Variants in SPRR4 observed in about 807,000 individuals in gnomAD.
SPRR4 encodes the protein small proline rich protein 4.
For missense variants in SPRR4, 106 were observed against 91.6 expected (o/e 1.16, Z -0.64); for synonymous variants, 30 against 34.3 (o/e 0.87, Z 0.44).
At position 152,972,515 on chromosome 1, in the gene SPRR4, G is replaced by C; in HGVS notation, c.*385G>C. ...TTTCTGCCTCATTCCTCTCCATGAT[G>C]CCCCCTGCTCTGGGCTTCTCTCCTG... On this transcript the variant is annotated 3_prime_UTR_variant, in exon 2 of 2. Transcript: ENST00000328051. 1 of 248,498 alleles carries C rather than the reference G, an allele frequency of 4.0e-6. No homozygotes were observed. Among genetic ancestry groups the C allele is most frequent in the Non-Finnish European group, 8.4e-6 (1 of 118,790 alleles). 15.4% of individuals were successfully genotyped at this position (248,498 alleles called of 1,614,324 possible). A position where few individuals can be genotyped will look rare whatever the true frequency, so the allele number is the denominator to read the frequency against.
upstream of SPRR4, among the ~76,000 whole-genome samples, chr1:152,968,842 A>G (rs1311307763): frequency 6.6e-6 from 1 of 152,234 alleles, no homozygotes; most frequent in African/African-American, 2.4e-5. Context: ...GGCAATACAC[A>G]CATACCAGTG....
At chr1:152,970,613 G>A (rs966212178), upstream of SPRR4, 1 of 152,258 alleles carries the variant, frequency 6.6e-6, no homozygotes, top group Non-Finnish European at 1.5e-5. Context: ...GCAGGTTGGG[G>A]GCCCTATAAA....
chr1:152,969,308 A>G (rs545644273), upstream of SPRR4, among the ~76,000 whole-genome samples: 2 of 152,342 alleles, frequency 1.3e-5, no homozygotes, highest in South Asian at 4.1e-4. Flanking sequence ...CACCCTGAGC[A>G]GCTGCATGTG....
chr1:152,971,441 T>C (rs1243087210), intron 1 of SPRR4, among the ~76,000 whole-genome samples: 1 of 152,136 alleles, frequency 6.6e-6, no homozygotes. Context: ...AGCTTCCCAG[T>C]TCTTTGTAGA....
Position 152,972,366 on chromosome 1 carries a change from T to A in SPRR4, c.*236T>A. 2 of 625,922 alleles carry A rather than the reference T, an allele frequency of 3.2e-6. No homozygotes were observed. 38.8% of individuals were successfully genotyped at this position (625,922 alleles called of 1,614,324 possible). On this transcript the variant is annotated 3_prime_UTR_variant, in exon 2 of 2. Transcript: ENST00000328051. Reference sequence around the variant, plus strand: ...CTCCCAGGTGGGTGTGAGAGAGACCTCATTCTCTGCAGGCTCCAGCGTGGC... The same window carrying A: ...CTCCCAGGTGGGTGTGAGAGAGACCACATTCTCTGCAGGCTCCAGCGTGGC...
chr1:152,971,933 C>T lies in SPRR4; in HGVS notation c.43C>T (p.Pro15Ser). The stretch of plus-strand genomic sequence containing the variant: ...GCAGCGGCAGCAGCAGCAGTGCCCA[C>T]CCCAGAGGGCCCAGCAGCAGCAAGT... ...QQQRQQQQCP[P>S]QRAQQQQVKQ... is the part of the protein sequence containing the mutation. Residue 15 changes from proline to serine, a missense_variant, in exon 2 of 2, where the codon CCC (proline) becomes TCC (serine). Coordinates refer to ENST00000328051, the MANE Select transcript of SPRR4 (RefSeq NM_173080.3). 1 of 1,614,096 alleles carries T rather than the reference C, an allele frequency of 6.2e-7. No homozygotes were observed. Among genetic ancestry groups the T allele is most frequent in the Non-Finnish European group, 8.5e-7 (1 of 1,180,002 alleles).
At chr1:152,969,888 A>G (rs779533777), upstream of SPRR4, among the ~76,000 whole-genome samples, 22 of 152,208 alleles carry the variant, frequency 1.4e-4, no homozygotes, top group Non-Finnish European at 3.2e-4. Flanking sequence ...AATACTCCTC[A>G]GCACCCCAAC....
Position 152,972,057 on chromosome 1 carries a change from C to T in SPRR4, c.167C>T (p.Pro56Leu), listed in dbSNP as rs201321708. 161 of 1,613,944 alleles carry T rather than the reference C, an allele frequency of 1.0e-4. No individual in the cohort carries two copies. Among genetic ancestry groups the T allele is most frequent in the Middle Eastern group, 3.3e-4 (2 of 6,084 alleles). Residue 56 changes from proline (P) to leucine (L), a missense_variant, in exon 2 of 2, where the codon CCG becomes CTG. Coordinates refer to ENST00000328051, the MANE Select transcript of SPRR4 (RefSeq NM_173080.3). ...CAPQVKKQCP[P>L]KGTIIPAQQK... is the part of the protein sequence containing the mutation. The stretch of plus-strand genomic sequence containing the variant: ...CCCCAGGTCAAGAAGCAATGCCCAC[C>T]GAAAGGCACCATCATTCCAGCCCAG...
chr1:152,972,127 G>A lies in SPRR4; in HGVS notation c.237G>A (p.Lys79=), dbSNP rs1345501801. 6.2e-7 allele frequency: 1 copy of A among 1,613,816 alleles called. No homozygotes were observed. The highest frequency in any genetic ancestry group is 1.1e-5 in the South Asian group (1 of 91,032). The change falls in exon 2 of 2, where the codon AAG becomes AAA. Residue 79 remains lysine (K), a synonymous_variant. Transcript: ENST00000328051. The part of the protein sequence containing the change: ...SAQQASKSKQ[K] Reference sequence around the variant, plus strand: ...AGCAAGCCTCCAAGAGCAAACAGAAGTAAGGATGGACTGGATATTACCATC... The same window carrying A: ...AGCAAGCCTCCAAGAGCAAACAGAAATAAGGATGGACTGGATATTACCATC...
In SPRR4 at chr1:152,972,091, T is replaced by C. The variant is rs917389254; in HGVS notation, c.201T>C (p.Cys67=). 2.5e-6 allele frequency: 4 copies of C among 1,613,772 alleles called. No homozygotes were observed. The East Asian group carries it at 8.9e-5, about 36-fold the overall frequency. Residue 67 remains cysteine (C), a synonymous_variant, in exon 2 of 2, where the codon TGT becomes TGC. Coordinates refer to ENST00000328051, the MANE Select transcript of SPRR4 (RefSeq NM_173080.3). The part of the protein sequence containing the change: ...KGTIIPAQQK[C]PSAQQASKSK... Reference sequence around the variant, plus strand: ...CCATCATTCCAGCCCAGCAGAAGTGTCCCTCAGCCCAGCAAGCCTCCAAGA... The same window carrying C: ...CCATCATTCCAGCCCAGCAGAAGTGCCCCTCAGCCCAGCAAGCCTCCAAGA...
chr1:152,971,971 T>C lies in SPRR4; in HGVS notation c.81T>C (p.Cys27=). ...AGCAGCAGCAAGTGAAGCAGCCTTG[T>C]CAGCCACCCCCTGTTAAATGTCAAG... The part of the protein sequence containing the change: ...RAQQQQVKQP[C]QPPPVKCQET... Residue 27 remains cysteine, a synonymous_variant, in exon 2 of 2, where the codon TGT becomes TGC. Transcript: ENST00000328051. 1 of 1,614,024 alleles carries C rather than the reference T, an allele frequency of 6.2e-7. No individual in the cohort carries two copies. The highest frequency in any genetic ancestry group is 8.5e-7 in the Non-Finnish European group (1 of 1,180,000).
chr1:152,971,707 T>C (rs921131762), intron 1 of SPRR4, among the ~76,000 whole-genome samples, 164 bp from the exon 2 acceptor site: 1 of 152,104 alleles, frequency 6.6e-6, no homozygotes, highest in Admixed American at 6.5e-5. Flanking sequence ...ATTGTCTGCA[T>C]TATCAAAGGG....
In SPRR4 at chr1:152,972,078, C is replaced by G; in HGVS notation, c.188C>G (p.Ala63Gly). ...QCPPKGTIIP[A>G]QQKCPSAQQA... Reference sequence around the variant, plus strand: ...CCACCGAAAGGCACCATCATTCCAGCCCAGCAGAAGTGTCCCTCAGCCCAG... The same window carrying G: ...CCACCGAAAGGCACCATCATTCCAGGCCAGCAGAAGTGTCCCTCAGCCCAG... Residue 63 changes from alanine (A) to glycine (G), a missense_variant, in exon 2 of 2, where the codon GCC becomes GGC. Transcript: ENST00000328051. 6.2e-7 allele frequency: 1 copy of G among 1,614,080 alleles called. No individual in the cohort carries two copies. Among genetic ancestry groups the G allele is most frequent in the Non-Finnish European group, 8.5e-7 (1 of 1,180,024 alleles).
At chr1:152,971,311 C>T (rs73010447) in intron 1 of SPRR4, among the ~76,000 whole-genome samples, 6,230 of 152,174 alleles carry the variant, frequency 0.041, 382 homozygotes, top group African/African-American at 0.14. Context: ...GAAGGTTGCC[C>T]ATGAAGTTAA....
In SPRR4 at chr1:152,971,988, AAT is replaced by A; in HGVS notation, c.99_100del (p.Cys34SerfsTer89). The A allele has an allele frequency of 6.2e-7, 1 of 1,613,960 alleles. No individual in the cohort carries two copies. Among genetic ancestry groups the A allele is most frequent in the Non-Finnish European group, 8.5e-7 (1 of 1,179,982 alleles). Reference sequence around the variant, plus strand: ...CAGCCTTGTCAGCCACCCCCTGTTAAATGTCAAGAGACATGTGCACCCAAAAC... The same window carrying A: ...CAGCCTTGTCAGCCACCCCCTGTTAAGTCAAGAGACATGTGCACCCAAAAC... On this transcript the variant is annotated frameshift_variant, in exon 2 of 2. Coordinates refer to ENST00000328051, the MANE Select transcript of SPRR4 (RefSeq NM_173080.3). LOFTEE classifies it low-confidence loss of function (END_TRUNC).
At position 152,972,208 on chromosome 1, in the gene SPRR4, C is replaced by A; in HGVS notation, c.*78C>A. 1.3e-6 allele frequency: 2 copies of A among 1,578,136 alleles called. No homozygotes were observed. Among genetic ancestry groups the A allele is most frequent in the East Asian group, 2.3e-5 (1 of 43,658 alleles). ...TCTCTTCTTCCTTCTCCTCTTCCCT[C>A]CAGCTCTTGAGCCTACCCTCCTCTC... On this transcript the variant is annotated 3_prime_UTR_variant, in exon 2 of 2. Coordinates refer to ENST00000328051, the MANE Select transcript of SPRR4 (RefSeq NM_173080.3).
At chr1:152,971,578 T>TCA (rs57593504) in intron 1 of SPRR4, among the ~76,000 whole-genome samples, 2,849 of 144,198 alleles carry the variant, frequency 0.02, 51 homozygotes, top group African/African-American at 0.047. Context: ...GCCCGATCTC[T>TCA]CACACACACA....
chr1:152,972,373 C>G lies in SPRR4; in HGVS notation c.*243C>G, dbSNP rs928599006. 5.0e-5 allele frequency: 30 copies of G among 597,154 alleles called. No homozygotes were observed. The Admixed American group carries it at 7.0e-4, about 14-fold the overall frequency. The allele number at this position is 597,154 out of a possible 1,614,324, so 37.0% of individuals were successfully genotyped here. On this transcript the variant is annotated 3_prime_UTR_variant, in exon 2 of 2. Transcript: ENST00000328051. ...GTGGGTGTGAGAGAGACCTCATTCTCTGCAGGCTCCAGCGTGGCCACAGCT... is the reference window on the plus strand; with the variant it reads ...GTGGGTGTGAGAGAGACCTCATTCTGTGCAGGCTCCAGCGTGGCCACAGCT...
intron 1 of SPRR4, among the ~76,000 whole-genome samples, 159 bp downstream of exon 1, chr1:152,970,853 C>T (rs956285120): frequency 6.6e-6 from 1 of 152,208 alleles, no homozygotes; most frequent in African/African-American, 2.4e-5. Flanking sequence ...CTAATCGGTA[C>T]TTAGAAAGTT....
Sources: gnomAD v4.1 joint callset for allele counts (sites outside exome capture counted in the v4.1 genomes callset) on GRCh38, gnomAD v4.1.1 for gene constraint, MANE v1.5 for transcripts, NCBI Gene and HGNC (gene_info 2026-07-23, HGNC 2026-07-21) for gene names.